The following CACNA2D3 variants were observed in gnomAD, a reference collection of about 807,000 sequenced individuals.
The protein encoded by CACNA2D3 is voltage-dependent calcium channel subunit alpha-2/delta-3.
A neutral mutation model predicts 160.6 loss-of-function variants in CACNA2D3; 60 were observed. The observed-to-expected ratio is 0.37, with a 90% CI of 0.30 to 0.46. CACNA2D3 has a LOEUF of 0.46. Among genes scored for constraint, CACNA2D3 ranks in the 20% least tolerant of loss-of-function variants. The pLI, the probability that CACNA2D3 is intolerant of heterozygous loss-of-function variation, is 1.00. For missense variants in CACNA2D3, 1,205 were observed against 1,365.0 expected (o/e 0.88, Z 1.85); for synonymous variants, 558 against 492.9 (o/e 1.13, Z -1.75).
intron 32 of CACNA2D3, among the ~76,000 whole-genome samples, chr3:55,005,321 A>T (rs1012626439): frequency 6.6e-6 from 1 of 152,132 alleles, no homozygotes; most frequent in African/African-American, 2.4e-5. Context: ...AAAAAAAGCC[A>T]CTGCTATATC....
chr3:54,180,576 G>A (rs1444905897), intron 2 of CACNA2D3, among the ~76,000 whole-genome samples: 1 of 152,174 alleles, frequency 6.6e-6, no homozygotes, highest in Non-Finnish European at 1.5e-5. Flanking sequence ...GCACAGAGCT[G>A]GGATTAGTCA....
rs143592599 is a variant in CACNA2D3 at position 54,141,449 on chromosome 3, A to G, written c.204+17855A>G. Among the ~76,000 whole-genome samples the G allele has an allele frequency of 6.6e-5, 10 of 152,330 alleles. No individual in the cohort carries two copies. In the East Asian group the frequency reaches 1.3e-3, roughly 21 times the overall value. Reference sequence around the variant, plus strand: ...CTTCATTTTCCCGAGGCAATGGTCTATGAAACTTTACTGCTCATCTGCTTT... The same window carrying G: ...CTTCATTTTCCCGAGGCAATGGTCTGTGAAACTTTACTGCTCATCTGCTTT... On this transcript the variant is annotated intron_variant, in intron 2 of 37. Coordinates refer to ENST00000474759, the MANE Select transcript of CACNA2D3 (RefSeq NM_018398.3).
intron 3 of CACNA2D3, among the ~76,000 whole-genome samples, chr3:54,352,589 C>T (rs1386880775): frequency 6.6e-6 from 1 of 152,188 alleles, no homozygotes; most frequent in African/African-American, 2.4e-5. Context: ...CCTTCCCAAT[C>T]GGATCAGGCA....
intron 8 of CACNA2D3, among the ~76,000 whole-genome samples, chr3:54,571,167 TG>T (rs1369942770): frequency 6.6e-5 from 10 of 152,122 alleles, no homozygotes; most frequent in African/African-American, 2.4e-4. Flanking sequence ...TCTAAAGAGC[TG>T]GGGGTGAATA....
At chr3:54,150,296 G>C (rs1015010008) in intron 2 of CACNA2D3, among the ~76,000 whole-genome samples, 5 of 152,040 alleles carry the variant, frequency 3.3e-5, no homozygotes, top group African/African-American at 1.2e-4. Flanking sequence ...AATGTTAAAG[G>C]TCTAAACTTT....
intron 35 of CACNA2D3, among the ~76,000 whole-genome samples, chr3:55,052,837 C>G (rs968473574): frequency 4.6e-5 from 7 of 152,080 alleles, no homozygotes; most frequent in Middle Eastern, 3.2e-3. Context: ...TTCGTGGAAT[C>G]TTTCCCCATC....
At chr3:55,038,864 CTATA>C (rs10576329) in intron 35 of CACNA2D3, among the ~76,000 whole-genome samples, 7,594 of 98,224 alleles carry the variant, frequency 0.077, 283 homozygotes, top group Admixed American at 0.14. Context: ...AGCCAGGATG[CTATA>C]TATATATATA....
chr3:54,868,402 C>T lies in CACNA2D3; in HGVS notation c.1627-3137C>T, dbSNP rs552853560. ...CATGAAATTAGACTATAGAGACTTG[C>T]TGGAATATGGTGGCTCATGGGCTAG... On this transcript the variant is annotated intron_variant, in intron 17 of 37. Coordinates refer to ENST00000474759, the MANE Select transcript of CACNA2D3 (RefSeq NM_018398.3). Among the ~76,000 whole-genome samples the T allele has an allele frequency of 3.3e-5, 5 of 152,242 alleles. 1 individual carries two copies. Among genetic ancestry groups the T allele is most frequent in the African/African-American group, 1.2e-4 (5 of 41,542 alleles).
intron 11 of CACNA2D3, among the ~76,000 whole-genome samples, chr3:54,678,457 T>C (rs1438143997): frequency 2.6e-5 from 4 of 152,068 alleles, no homozygotes; most frequent in African/African-American, 9.7e-5. Context: ...GCGCGGTGGC[T>C]CACGCCTGTA....
At chr3:54,764,943 T>C (rs1303757563) in intron 13 of CACNA2D3, among the ~76,000 whole-genome samples, 6 of 152,230 alleles carry the variant, frequency 3.9e-5, no homozygotes, top group African/African-American at 1.4e-4. Context: ...GGAGGAGCTT[T>C]GCCAATCATC....
intron 35 of CACNA2D3, among the ~76,000 whole-genome samples, chr3:55,058,050 C>G (rs1362151968): frequency 6.6e-6 from 1 of 152,166 alleles, no homozygotes; most frequent in Non-Finnish European, 1.5e-5. Flanking sequence ...TCCAGTGTTT[C>G]TGGAATACAT....
At chr3:54,347,320 T>G (rs543456085) in intron 3 of CACNA2D3, among the ~76,000 whole-genome samples, 22 of 152,310 alleles carry the variant, frequency 1.4e-4, no homozygotes, top group African/African-American at 4.6e-4. Context: ...TCTTAACCAG[T>G]GCACTTTCCT....
At chr3:54,510,776 T>C (rs560520837) in intron 5 of CACNA2D3, among the ~76,000 whole-genome samples, 65 of 152,294 alleles carry the variant, frequency 4.3e-4, no homozygotes, top group Admixed American at 1.4e-3. Flanking sequence ...AATTGTCATT[T>C]TGAGCATTAA....
At chr3:54,702,358 C>T (rs766008739) in intron 11 of CACNA2D3, among the ~76,000 whole-genome samples, 2 of 152,148 alleles carry the variant, frequency 1.3e-5, no homozygotes, top group South Asian at 2.1e-4. Context: ...GTGCATCTGA[C>T]GAAGTCTAAT....
At chr3:54,567,227 G>A (rs1384449226) in intron 6 of CACNA2D3, among the ~76,000 whole-genome samples, 3 of 152,152 alleles carry the variant, frequency 2.0e-5, no homozygotes, top group Non-Finnish European at 4.4e-5. Flanking sequence ...TTACAGCCAA[G>A]TTTGACTGTA....
At chr3:54,760,782 T>C (rs532378966) in intron 12 of CACNA2D3, among the ~76,000 whole-genome samples, 29 of 152,126 alleles carry the variant, frequency 1.9e-4, no homozygotes, top group African/African-American at 6.5e-4. Flanking sequence ...ATAATTATGT[T>C]TTGGCCTCTC....
At chr3:55,031,816 ATAAT>A (rs1471138508) in intron 35 of CACNA2D3, among the ~76,000 whole-genome samples, 1 of 152,220 alleles carries the variant, frequency 6.6e-6, no homozygotes, top group Non-Finnish European at 1.5e-5. Context: ...ATGATCCAGA[ATAAT>A]TAGAGGTGTA....
chr3:54,774,706 C>T (rs1310633484), intron 13 of CACNA2D3, among the ~76,000 whole-genome samples: 1 of 136,438 alleles, frequency 7.3e-6, no homozygotes, highest in Non-Finnish European at 1.5e-5. Flanking sequence ...ACGATCTTGG[C>T]TCACTGCAAC....
chr3:54,873,938 G>C (rs987814783), intron 18 of CACNA2D3, among the ~76,000 whole-genome samples: 13 of 152,284 alleles, frequency 8.5e-5, no homozygotes, highest in Admixed American at 7.2e-4. Flanking sequence ...TCCATGTGCT[G>C]GGCCTTGGGA....
Sources: gnomAD v4.1 joint callset for allele counts (sites outside exome capture counted in the v4.1 genomes callset) on GRCh38, gnomAD v4.1.1 for gene constraint, MANE v1.5 for transcripts, NCBI Gene and HGNC (gene_info 2026-07-23, HGNC 2026-07-21) for gene names.